CCDC60: variants seen among roughly 807,000 people sequenced by gnomAD.
CCDC60 encodes coiled-coil domain containing 60, also known as coiled-coil domain-containing protein 60.
CCDC60 carries 54 observed loss-of-function variants against 63.5 expected under a neutral mutation model. The ratio of observed to expected loss-of-function variants is 0.85; its 90% CI spans 0.68 to 1.07. The LOEUF (loss-of-function observed/expected upper bound fraction) is 1.07. CCDC60 is among the 50% of genes least tolerant of loss of function. The pLI is 0.00. For synonymous variants in CCDC60, 206 were observed against 238.8 expected (o/e 0.86, Z 1.27); for missense variants, 651 against 684.3 (o/e 0.95, Z 0.54).
intron 1 of CCDC60, among the ~76,000 whole-genome samples, chr12:119,398,021 G>A (rs1422964434): frequency 2.9e-5 from 1 of 34,320 alleles, no homozygotes; most frequent in Non-Finnish European, 5.1e-5. Context: ...GGAAGGGGGC[G>A]GCGGGAGGGA....
At chr12:119,505,819 C>CA (rs1566048675) in intron 7 of CCDC60, among the ~76,000 whole-genome samples, 1 of 152,156 alleles carries the variant, frequency 6.6e-6, no homozygotes, top group African/African-American at 2.4e-5. Flanking sequence ...CATGCCACTG[C>CA]ACTCCAGCCT....
At position 119,540,888 on chromosome 12, in the gene CCDC60, T is replaced by C; in HGVS notation, c.*173T>C. 2 of 555,718 alleles carry C rather than the reference T, an allele frequency of 3.6e-6. No homozygotes were observed. Among genetic ancestry groups the C allele is most frequent in the South Asian group, 4.6e-5 (2 of 43,930 alleles). The allele number at this position is 555,718 out of a possible 1,614,324, so 34.4% of individuals were successfully genotyped here. On this transcript the variant is annotated 3_prime_UTR_variant, in exon 14 of 14. Transcript: ENST00000327554. ...TTCCAGCAACATTTTTAGAGGGGGATGGCCCCGGTGGCCCTCCCCTCAATT... is the reference window on the plus strand; with the variant it reads ...TTCCAGCAACATTTTTAGAGGGGGACGGCCCCGGTGGCCCTCCCCTCAATT...
intron 1 of CCDC60, among the ~76,000 whole-genome samples, chr12:119,404,782 C>T (rs533808490): frequency 3.3e-5 from 5 of 152,268 alleles, no homozygotes; most frequent in African/African-American, 1.2e-4. Flanking sequence ...TCTAGAGGGT[C>T]GTGCCCAGCA....
intron 1 of CCDC60, among the ~76,000 whole-genome samples, chr12:119,341,377 G>T (rs1330110042): frequency 6.6e-6 from 1 of 152,180 alleles, no homozygotes; most frequent in Non-Finnish European, 1.5e-5. Flanking sequence ...GTGAAGAAAT[G>T]ATCCAAGAGT....
At chr12:119,335,382 C>A in intron 1 of CCDC60, 116 bp downstream of exon 1, 1 of 697,636 alleles carries the variant, frequency 1.4e-6, no homozygotes, top group Non-Finnish European at 2.4e-6. Context: ...ACACTGACTT[C>A]CACAATGGTT....
At chr12:119,529,738 G>A (rs1409796118) in intron 12 of CCDC60, among the ~76,000 whole-genome samples, 1 of 152,080 alleles carries the variant, frequency 6.6e-6, no homozygotes, top group African/African-American at 2.4e-5. Flanking sequence ...GGGAGAAAAG[G>A]GTCTTCTGCA....
intron 1 of CCDC60, among the ~76,000 whole-genome samples, chr12:119,402,935 G>A (rs926645582): frequency 5.3e-5 from 8 of 152,146 alleles, no homozygotes; most frequent in African/African-American, 9.7e-5. Context: ...TGTGGCCTAC[G>A]CAAAAGAGAA....
At chr12:119,418,572 G>T (rs531471172) in intron 1 of CCDC60, among the ~76,000 whole-genome samples, 2 of 151,350 alleles carry the variant, frequency 1.3e-5, no homozygotes, top group Non-Finnish European at 2.9e-5. Flanking sequence ...ACGCCACCAC[G>T]CCCAGCTAAT....
intron 7 of CCDC60, among the ~76,000 whole-genome samples, chr12:119,508,043 T>C (rs1291971649): frequency 1.3e-5 from 2 of 152,062 alleles, no homozygotes; most frequent in Admixed American, 6.6e-5. Context: ...TGGTGGCACA[T>C]GCCTGTAGTC....
intron 13 of CCDC60, among the ~76,000 whole-genome samples, chr12:119,533,380 A>G (rs112560870): frequency 6.6e-6 from 1 of 152,052 alleles, no homozygotes; most frequent in Non-Finnish European, 1.5e-5. Flanking sequence ...CCTGTTCACT[A>G]TGATGATAGT....
At chr12:119,457,248 TCTC>T (rs1189136185) in intron 2 of CCDC60, among the ~76,000 whole-genome samples, 3 of 152,180 alleles carry the variant, frequency 2.0e-5, no homozygotes, top group African/African-American at 4.8e-5. Context: ...TAAAGGGACT[TCTC>T]CTCCACTGAG....
chr12:119,369,010 CAG>C (rs1350672038), intron 1 of CCDC60, among the ~76,000 whole-genome samples: 1 of 152,048 alleles, frequency 6.6e-6, no homozygotes, highest in Non-Finnish European at 1.5e-5. Context: ...TCTTTGGTGA[CAG>C]AGGAAGAATT....
intron 1 of CCDC60, among the ~76,000 whole-genome samples, chr12:119,419,042 C>G (rs774399183): frequency 2.6e-5 from 4 of 152,232 alleles, no homozygotes; most frequent in Admixed American, 1.3e-4. Context: ...AATTCCCCAT[C>G]AGTGGGCACT....
At chr12:119,498,807 G>A (rs568058758) in intron 5 of CCDC60, among the ~76,000 whole-genome samples, 2 of 152,304 alleles carry the variant, frequency 1.3e-5, no homozygotes, top group East Asian at 1.9e-4. Flanking sequence ...CCAATCAGTC[G>A]ATCAATCGAT....
chr12:119,515,981 T>G (rs566694907), intron 7 of CCDC60, among the ~76,000 whole-genome samples: 2 of 152,272 alleles, frequency 1.3e-5, no homozygotes, highest in East Asian at 3.9e-4. Flanking sequence ...TCTCTCTGGC[T>G]GCAGTAGAGT....
chr12:119,434,694 T>C (rs1950294585), intron 2 of CCDC60, among the ~76,000 whole-genome samples: 1 of 152,136 alleles, frequency 6.6e-6, no homozygotes, highest in Non-Finnish European at 1.5e-5. Context: ...AAAGGTGGTG[T>C]ATTTCAGAGA....
intron 1 of CCDC60, among the ~76,000 whole-genome samples, chr12:119,341,614 G>A (rs1359706844): frequency 6.6e-6 from 1 of 152,168 alleles, no homozygotes; most frequent in Admixed American, 6.5e-5. Context: ...TGGTGACATG[G>A]TCATTATTGT....
intron 6 of CCDC60, among the ~76,000 whole-genome samples, chr12:119,501,232 A>G (rs187741522): frequency 6.6e-6 from 1 of 152,356 alleles, no homozygotes; most frequent in East Asian, 1.9e-4. Flanking sequence ...TACTGTGGTT[A>G]TGTAAATTTT....
At chr12:119,522,082 G>T (rs972520554) in intron 9 of CCDC60, among the ~76,000 whole-genome samples, 7 of 152,150 alleles carry the variant, frequency 4.6e-5, no homozygotes, top group African/African-American at 1.7e-4. Context: ...AGAAGCAAAG[G>T]GTTACCCACA....
Sources: gnomAD v4.1 joint callset for allele counts (sites outside exome capture counted in the v4.1 genomes callset) on GRCh38, gnomAD v4.1.1 for gene constraint, MANE v1.5 for transcripts, NCBI Gene and HGNC (gene_info 2026-07-23, HGNC 2026-07-21) for gene names.